The following LARP1 variants were observed in gnomAD, a reference collection of about 807,000 sequenced individuals.
The protein encoded by LARP1 is la-related protein 1.
In LARP1, 36 loss-of-function variants were observed where a neutral mutation model predicts 122.7. The observed-to-expected ratio is 0.29, with a 90% confidence interval of 0.22 to 0.39. LARP1 has a LOEUF of 0.39. Ranked by LOEUF, LARP1 falls within the 10% of genes least tolerant of loss-of-function variation. The pLI is 1.00. For missense variants in LARP1, 1,040 were observed against 1,403.6 expected (o/e 0.74, Z 4.14); for synonymous variants, 539 against 528.7 (o/e 1.02, Z -0.27).
chr5:154,812,928 C>T (rs1345739672), intron 18 of LARP1, among the ~76,000 whole-genome samples: 5 of 152,228 alleles, frequency 3.3e-5, no homozygotes, highest in Middle Eastern at 6.8e-3. Context: ...GTCCCTCCCG[C>T]GACATGTGGG....
intron 1 of LARP1, chr5:154,718,392 G>A (rs376619752): frequency 1.3e-5 from 2 of 152,224 alleles, no homozygotes; most frequent in East Asian, 3.9e-4. Flanking sequence ...TTGAGATGGG[G>A]TCTTGTTATT....
intron 1 of LARP1, among the ~76,000 whole-genome samples, chr5:154,726,203 A>G (rs1367098699): frequency 1.3e-5 from 2 of 152,152 alleles, no homozygotes; most frequent in African/African-American, 4.8e-5. Context: ...GGTGAATTAG[A>G]ATTAGACCAG....
intron 4 of LARP1, 147 bp from the exon 5 acceptor site, chr5:154,793,448 G>A (rs1224310342): frequency 1.1e-6 from 1 of 943,672 alleles, no homozygotes; most frequent in African/African-American, 1.6e-5. Flanking sequence ...ATGAAAAAGA[G>A]GGCTAATGTG....
chr5:154,777,019 A>G (rs1012811641), intron 1 of LARP1, among the ~76,000 whole-genome samples: 3 of 152,240 alleles, frequency 2.0e-5, no homozygotes, highest in Non-Finnish European at 1.5e-5. Context: ...GAAATGTGTC[A>G]TTAGTTGATT....
chr5:154,727,241 C>G (rs1179491966), intron 1 of LARP1, among the ~76,000 whole-genome samples: 3 of 152,094 alleles, frequency 2.0e-5, no homozygotes, highest in Admixed American at 6.6e-5. Flanking sequence ...AATTAAGAAT[C>G]ACTTAAAACC....
chr5:154,683,971 T>C (rs530891970), intron 1 of LARP1, among the ~76,000 whole-genome samples: 2 of 152,302 alleles, frequency 1.3e-5, no homozygotes, highest in South Asian at 2.1e-4. Flanking sequence ...GGTGGATAGA[T>C]GAATGGAACA....
chr5:154,761,033 T>C (rs1240187577), intron 1 of LARP1, among the ~76,000 whole-genome samples: 7 of 152,230 alleles, frequency 4.6e-5, no homozygotes, highest in Non-Finnish European at 1.0e-4. Flanking sequence ...GTCTATTACA[T>C]AAGACTTAAG....
chr5:154,763,608 G>A (rs1207162613), intron 1 of LARP1, among the ~76,000 whole-genome samples: 1 of 151,956 alleles, frequency 6.6e-6, no homozygotes, highest in Non-Finnish European at 1.5e-5. Context: ...TTGTGCCACA[G>A]TACTCCAGCC....
At chr5:154,761,091 A>G (rs1435254785) in intron 1 of LARP1, among the ~76,000 whole-genome samples, 2 of 152,224 alleles carry the variant, frequency 1.3e-5, no homozygotes, top group Non-Finnish European at 2.9e-5. Context: ...CCAAGAAGCA[A>G]TATAGTGTGA....
intron 1 of LARP1, among the ~76,000 whole-genome samples, chr5:154,733,942 G>A (rs1033175367): frequency 6.6e-6 from 1 of 151,980 alleles, no homozygotes; most frequent in Non-Finnish European, 1.5e-5. Context: ...GAGGCGGGTG[G>A]ATCACCTGAG....
intron 16 of LARP1, among the ~76,000 whole-genome samples, chr5:154,811,008 A>G (rs1271579829): frequency 6.6e-6 from 1 of 152,220 alleles, no homozygotes; most frequent in Non-Finnish European, 1.5e-5. Context: ...ATACTTCATA[A>G]AAGAATAGGA....
rs918009042 is a variant in LARP1 at position 154,804,321 on chromosome 5, T to G, written c.2546+14T>G. 6.3e-7 allele frequency: 1 copy of G among 1,595,956 alleles called. No homozygotes were observed. On this transcript the variant is annotated intron_variant, in intron 14 of 18. Transcript: ENST00000518297. Reference sequence around the variant, plus strand: ...TGCTTCCATCAGGTACCTGGGGCAGTGGGGGAAGAGTGATCAGGCTGCCTA... The same window carrying G: ...TGCTTCCATCAGGTACCTGGGGCAGGGGGGGAAGAGTGATCAGGCTGCCTA...
At chr5:154,773,421 AGCT>A (rs1561588260) in intron 1 of LARP1, among the ~76,000 whole-genome samples, 1 of 152,032 alleles carries the variant, frequency 6.6e-6, no homozygotes, top group African/African-American at 2.4e-5. Flanking sequence ...GCACATACCC[AGCT>A]GCTACCTGTG....
chr5:154,810,517 T>C (rs1759178789), intron 16 of LARP1, among the ~76,000 whole-genome samples: 1 of 151,990 alleles, frequency 6.6e-6, no homozygotes, highest in South Asian at 2.1e-4. Flanking sequence ...GAGACGAGTC[T>C]CACTGTGTCA....
intron 8 of LARP1, among the ~76,000 whole-genome samples, chr5:154,797,232 T>G (rs1464421947): frequency 1.5e-5 from 2 of 129,136 alleles, no homozygotes; most frequent in Non-Finnish European, 3.3e-5. Flanking sequence ...TTTTTTTTTT[T>G]TTTTTTTTTT....
chr5:154,798,827 A>G (rs993015372), intron 8 of LARP1, among the ~76,000 whole-genome samples: 1 of 151,108 alleles, frequency 6.6e-6, no homozygotes, highest in Non-Finnish European at 1.5e-5. Flanking sequence ...GGGTTTATCC[A>G]CCTCAGCACA....
chr5:154,686,815 G>A (rs1003087663), intron 1 of LARP1, among the ~76,000 whole-genome samples: 1 of 152,206 alleles, frequency 6.6e-6, no homozygotes, highest in Non-Finnish European at 1.5e-5. Context: ...AAGTAACCTG[G>A]TAACTGCAGG....
intron 1 of LARP1, among the ~76,000 whole-genome samples, chr5:154,766,068 C>T (rs948518873): frequency 6.6e-6 from 1 of 152,118 alleles, no homozygotes; most frequent in Non-Finnish European, 1.5e-5. Flanking sequence ...GTAGCAGTCA[C>T]CTGAGAAGAA....
In LARP1 at chr5:154,793,636, C is replaced by A. The variant is rs756529014; in HGVS notation, c.781C>A (p.Pro261Thr). 1.9e-6 allele frequency: 3 copies of A among 1,614,188 alleles called. No homozygotes were observed. Among genetic ancestry groups the A allele is most frequent in the Non-Finnish European group, 2.5e-6 (3 of 1,180,034 alleles). ...GGTTCCATTACAAATAGACATGAAG[C>A]CTGAAGTGCCCAGAGAGAAACTGGC... Reference protein sequence around the residue: ...KWVPLQIDMKPEVPREKLASR... With the variant: ...KWVPLQIDMKTEVPREKLASR... Residue 261 changes from proline to threonine, a missense_variant, in exon 5 of 19, where the codon CCT (proline) becomes ACT (threonine). Physicochemically the swap from Pro to Thr is conservative, Grantham distance 38. This residue lies in a region of LARP1 where 178 missense variants were observed against 178.3 expected (regional missense o/e 1.00). Coordinates refer to ENST00000518297, the MANE Select transcript of LARP1 (RefSeq NM_033551.3).
Sources: allele counts gnomAD v4.1 joint callset (sites outside exome capture counted in the v4.1 genomes callset), GRCh38; gene constraint gnomAD v4.1.1; regional missense constraint gnomAD v4.1.1; transcripts MANE v1.5; gene names NCBI Gene and HGNC (gene_info 2026-07-23, HGNC 2026-07-21).